The following BNC2 variants were observed in gnomAD, a reference collection of about 807,000 sequenced individuals.
The protein encoded by BNC2 is zinc finger protein basonuclin-2.
A neutral mutation model predicts 76.3 loss-of-function variants in BNC2; 20 were observed. The ratio of observed to expected loss-of-function variants is 0.26; its 90% confidence interval spans 0.18 to 0.38. BNC2 has a LOEUF of 0.38. BNC2 is among the 10% of genes least tolerant of loss of function. The pLI is 1.00. For synonymous variants in BNC2, 582 were observed against 514.8 expected (o/e 1.13, Z -1.77); for missense variants, 1,382 against 1,399.8 (o/e 0.99, Z 0.20).
At chr9:16,806,956 A>G (rs1053589724) in intron 1 of BNC2, among the ~76,000 whole-genome samples, 2 of 152,246 alleles carry the variant, frequency 1.3e-5, no homozygotes, top group African/African-American at 2.4e-5. Flanking sequence ...TAGGCTTTAT[A>G]GTAGAGGTGT....
In BNC2 at chr9:16,851,449, T is replaced by G. The variant is rs534853408; in HGVS notation, c.3+19197A>C. Among the ~76,000 whole-genome samples the G allele has an allele frequency of 5.9e-5, 9 of 152,238 alleles. No homozygotes were observed. In the East Asian group the frequency reaches 9.7e-4, roughly 16 times the overall value. ...GGAGCCCAGCAGGTCAAGGCTGCAGTGAGCCATGATCATGCCACTACACTC... is the reference window on the plus strand; with the variant it reads ...GGAGCCCAGCAGGTCAAGGCTGCAGGGAGCCATGATCATGCCACTACACTC... On this transcript the variant is annotated intron_variant, in intron 1 of 6. Transcript: ENST00000380672.
chr9:16,628,865 G>A (rs974441830), intron 3 of BNC2, among the ~76,000 whole-genome samples: 1 of 152,128 alleles, frequency 6.6e-6, no homozygotes, highest in Admixed American at 6.5e-5. Context: ...AACAGCATTG[G>A]TCTAGAAATT....
intron 2 of BNC2, among the ~76,000 whole-genome samples, chr9:16,734,784 ACTTCATTAC>A (rs1161341025): frequency 1.3e-5 from 2 of 152,226 alleles, no homozygotes; most frequent in East Asian, 3.8e-4. Context: ...TGTGCTGAAG[ACTTCATTAC>A]ATGCCCTTAG....
intron 1 of BNC2, among the ~76,000 whole-genome samples, chr9:16,756,341 C>G (rs1825383689): frequency 6.6e-6 from 1 of 152,188 alleles, no homozygotes; most frequent in African/African-American, 2.4e-5. Context: ...ACCCCACATG[C>G]AGTCAACCTC....
chr9:16,437,153 T>C lies in BNC2; in HGVS notation c.1041A>G (p.Gln347=), dbSNP rs1313157896. ...GLPPNGLLLE[Q]PGLRLREPSL... ...TGGGTTCCCGCAGCCTCAACCCTGGTTGCTCTAACAGTAGCCCATTTGGAG... is the reference window on the plus strand; with the variant it reads ...TGGGTTCCCGCAGCCTCAACCCTGGCTGCTCTAACAGTAGCCCATTTGGAG... Residue 347 remains glutamine (Q), a synonymous_variant, in exon 6 of 7, where the codon CAA becomes CAG. Transcript: ENST00000380672. The C allele has an allele frequency of 6.2e-7, 1 of 1,614,186 alleles. No homozygotes were observed. Among genetic ancestry groups the C allele is most frequent in the Non-Finnish European group, 8.5e-7 (1 of 1,180,036 alleles).
intron 5 of BNC2, among the ~76,000 whole-genome samples, chr9:16,444,270 C>A (rs1821186704): frequency 6.6e-6 from 1 of 152,114 alleles, no homozygotes; most frequent in African/African-American, 2.4e-5. Flanking sequence ...AACAGCTTTA[C>A]ATATATATAA....
At chr9:16,539,119 G>A (rs1818222642) in intron 5 of BNC2, among the ~76,000 whole-genome samples, 1 of 152,108 alleles carries the variant, frequency 6.6e-6, no homozygotes, top group African/African-American at 2.4e-5. Flanking sequence ...CATGTTGTCT[G>A]TCTGTTTACT....
intron 3 of BNC2, among the ~76,000 whole-genome samples, chr9:16,658,087 C>G (rs1032003241): frequency 6.6e-6 from 1 of 152,108 alleles, no homozygotes; most frequent in South Asian, 2.1e-4. Context: ...AGAAGGAGAT[C>G]CTAATTTACT....
chr9:16,665,559 A>G (rs983988712), intron 3 of BNC2, among the ~76,000 whole-genome samples: 3 of 152,218 alleles, frequency 2.0e-5, no homozygotes, highest in Non-Finnish European at 4.4e-5. Flanking sequence ...AGCAGTTCTT[A>G]CCATCTTATT....
In BNC2 at chr9:16,416,263, A is replaced by T. The variant is rs1364362925; in HGVS notation, c.*2726T>A. 1 of 152,610 alleles carries T rather than the reference A, an allele frequency of 6.6e-6. No homozygotes were observed. Among genetic ancestry groups the T allele is most frequent in the African/African-American group, 2.4e-5 (1 of 41,456 alleles). The allele number at this position is 152,610 out of a possible 1,614,324, so 9.5% of individuals were successfully genotyped here. The stretch of plus-strand genomic sequence containing the variant: ...TGTGTATTTATTTTCATAAAACTAC[A>T]TGTAGTCTATGCACACTGCAAAAGC... On this transcript the variant is annotated 3_prime_UTR_variant, in exon 7 of 7. Coordinates refer to ENST00000380672, the MANE Select transcript of BNC2 (RefSeq NM_017637.6).
At chr9:16,527,783 T>C (rs1817855710) in intron 5 of BNC2, among the ~76,000 whole-genome samples, 1 of 152,214 alleles carries the variant, frequency 6.6e-6, no homozygotes, top group South Asian at 2.1e-4. Context: ...ATTCAAATCC[T>C]GAGTTATTCA....
chr9:16,558,489 A>G (rs1361197747), intron 4 of BNC2, among the ~76,000 whole-genome samples: 1 of 152,180 alleles, frequency 6.6e-6, no homozygotes, highest in Non-Finnish European at 1.5e-5. Flanking sequence ...ACATGAGCCA[A>G]CAAAATCTGT....
chr9:16,665,404 A>AGAGAC (rs1554702339), intron 3 of BNC2, among the ~76,000 whole-genome samples: 1 of 62,808 alleles, frequency 1.6e-5, no homozygotes. Context: ...GAGAGAGAGA[A>AGAGAC]AGAGAGAAAA....
chr9:16,555,566 C>G (rs369914819), intron 4 of BNC2, among the ~76,000 whole-genome samples: 2 of 151,446 alleles, frequency 1.3e-5, no homozygotes, highest in South Asian at 2.1e-4. Flanking sequence ...GGAGGCGAGA[C>G]GGCAGATTGC....
At chr9:16,793,886 T>TTGG (rs1817580988) in intron 1 of BNC2, among the ~76,000 whole-genome samples, 1 of 123,628 alleles carries the variant, frequency 8.1e-6, no homozygotes, top group Non-Finnish European at 1.8e-5. Flanking sequence ...TTTTTTTTAG[T>TTGG]AGAGACGGAG....
chr9:16,688,825 T>G (rs1823058085), intron 3 of BNC2, among the ~76,000 whole-genome samples: 1 of 152,120 alleles, frequency 6.6e-6, no homozygotes, highest in African/African-American at 2.4e-5. Flanking sequence ...TCAGAGGCCT[T>G]GAAAGGGACC....
chr9:16,653,157 A>G (rs1821838124), intron 3 of BNC2, among the ~76,000 whole-genome samples: 1 of 152,228 alleles, frequency 6.6e-6, no homozygotes, highest in Non-Finnish European at 1.5e-5. Context: ...AAGACTATAA[A>G]GAGACCTGCA....
intron 3 of BNC2, among the ~76,000 whole-genome samples, chr9:16,605,785 T>TC (rs1491485016): frequency 1.3e-5 from 1 of 77,492 alleles, no homozygotes; most frequent in East Asian, 2.3e-4. Context: ...TCAAGAATTC[T>TC]TTTTTTTTTT....
chr9:16,432,901 G>C (rs187722696), intron 6 of BNC2, among the ~76,000 whole-genome samples: 2 of 152,346 alleles, frequency 1.3e-5, no homozygotes, highest in African/African-American at 4.8e-5. Context: ...CAAAGTAAAA[G>C]TGAAGAGACA....
Sources: gnomAD v4.1 joint callset for allele counts (sites outside exome capture counted in the v4.1 genomes callset) on GRCh38, gnomAD v4.1.1 for gene constraint, MANE v1.5 for transcripts, NCBI Gene and HGNC (gene_info 2026-07-23, HGNC 2026-07-21) for gene names.